Variants in KIF6 observed in about 807,000 individuals in gnomAD.
The protein encoded by KIF6 is kinesin-like protein KIF6.
In KIF6, 106 loss-of-function variants were observed where a neutral mutation model predicts 112.7. That is an observed-to-expected ratio of 0.94 (90% CI 0.80 to 1.11). KIF6 has a LOEUF of 1.11. Among genes scored for constraint, KIF6 ranks in the 50% least tolerant of loss-of-function variants. The pLI, the probability that KIF6 is intolerant of heterozygous loss-of-function variation, is 0.00. For missense variants in KIF6, 929 were observed against 964.0 expected (o/e 0.96, Z 0.48); for synonymous variants, 339 against 339.9 (o/e 1.00, Z 0.03).
At chr6:39,574,261 A>C (rs1302895843) in intron 10 of KIF6, among the ~76,000 whole-genome samples, 1 of 152,230 alleles carries the variant, frequency 6.6e-6, no homozygotes, top group Non-Finnish European at 1.5e-5. Flanking sequence ...TAAGAATCAT[A>C]AAGAAGATAT....
At chr6:39,409,444 C>T (rs188034756) in intron 15 of KIF6, among the ~76,000 whole-genome samples, 79 of 152,314 alleles carry the variant, frequency 5.2e-4, no homozygotes, top group Non-Finnish European at 6.0e-4. Context: ...TGCTTGGGAG[C>T]ATCTCTGCTT....
chr6:39,423,165 A>G (rs1770502483), intron 14 of KIF6, among the ~76,000 whole-genome samples: 2 of 152,112 alleles, frequency 1.3e-5, no homozygotes, highest in Admixed American at 6.5e-5. Flanking sequence ...TGCACACAAA[A>G]TCCTGTGCAG....
chr6:39,592,511 C>T (rs1782006365), intron 7 of KIF6, among the ~76,000 whole-genome samples: 1 of 152,166 alleles, frequency 6.6e-6, no homozygotes, highest in African/African-American at 2.4e-5. Flanking sequence ...CTGAAGGCAA[C>T]TCTGATTCTG....
At chr6:39,463,633 CA>C (rs748955597) in intron 13 of KIF6, among the ~76,000 whole-genome samples, 53 of 152,326 alleles carry the variant, frequency 3.5e-4, no homozygotes, top group African/African-American at 1.1e-3. Flanking sequence ...AAAAATTCCT[CA>C]AAATCATCTC....
chr6:39,449,456 G>C (rs1417961023), intron 13 of KIF6, among the ~76,000 whole-genome samples: 3 of 152,186 alleles, frequency 2.0e-5, no homozygotes, highest in Non-Finnish European at 4.4e-5. Context: ...TATACTTGCT[G>C]CTTGTTTCAC....
chr6:39,642,766 C>T (rs372409980), intron 3 of KIF6, among the ~76,000 whole-genome samples: 26 of 152,202 alleles, frequency 1.7e-4, no homozygotes, highest in African/African-American at 6.3e-4. Context: ...TCCTGGGAAT[C>T]GGGAAGGCCA....
intron 22 of KIF6, 33 bp from the exon 23 acceptor site, chr6:39,336,581 T>A (rs1426592113): frequency 1.2e-5 from 19 of 1,611,354 alleles, no homozygotes; most frequent in Non-Finnish European, 1.6e-5. Flanking sequence ...TTGGTTAGGC[T>A]GTGCATGCAG....
intron 14 of KIF6, among the ~76,000 whole-genome samples, chr6:39,427,152 C>A (rs986653669): frequency 2.6e-5 from 4 of 152,130 alleles, no homozygotes; most frequent in African/African-American, 7.2e-5. Context: ...TGAATTTCAC[C>A]CTAAGTCAAC....
chr6:39,411,262 G>A (rs184739902), intron 15 of KIF6, among the ~76,000 whole-genome samples: 9 of 152,194 alleles, frequency 5.9e-5, no homozygotes, highest in Non-Finnish European at 1.0e-4. Context: ...GAGGCAGAAC[G>A]CTGGGCTCTA....
At chr6:39,416,946 T>C (rs1297486203) in intron 15 of KIF6, among the ~76,000 whole-genome samples, 1 of 152,150 alleles carries the variant, frequency 6.6e-6, no homozygotes, top group East Asian at 1.9e-4. Context: ...GTAGCCCAGT[T>C]TGGGAGTGGA....
chr6:39,642,923 A>T (rs1180609423), intron 3 of KIF6, among the ~76,000 whole-genome samples: 1 of 152,134 alleles, frequency 6.6e-6, no homozygotes, highest in East Asian at 1.9e-4. Context: ...GTATGCCCCA[A>T]CAAACATGTA....
chr6:39,577,099 A>G (rs1259252093), intron 10 of KIF6, among the ~76,000 whole-genome samples: 1 of 152,216 alleles, frequency 6.6e-6, no homozygotes, highest in East Asian at 1.9e-4. Flanking sequence ...CAAATATGCC[A>G]CAAAGCAGTC....
intron 13 of KIF6, among the ~76,000 whole-genome samples, chr6:39,532,083 T>C (rs1443087004): frequency 6.6e-6 from 1 of 152,186 alleles, no homozygotes; most frequent in Non-Finnish European, 1.5e-5. Flanking sequence ...TTCCTGGTCT[T>C]AACCGGAGGT....
Position 39,333,193 on chromosome 6 carries a change from C to T in KIF6, c.*3339G>A, listed in dbSNP as rs917356789. On this transcript the variant is annotated 3_prime_UTR_variant, in exon 23 of 23. Transcript: ENST00000287152. The stretch of plus-strand genomic sequence containing the variant: ...TATACAGGATGCTCTCAGTGCCTTT[C>T]CACAGGCTGCATGGAGAGACAATGA... 3.3e-5 allele frequency: 5 copies of T among 152,178 alleles called. No individual in the cohort carries two copies. In the South Asian group the frequency reaches 8.3e-4, roughly 25 times the overall value. 9.4% of individuals were successfully genotyped at this position (152,178 alleles called of 1,614,324 possible). A position where few individuals can be genotyped will look rare whatever the true frequency, so the allele number is the denominator to read the frequency against.
chr6:39,539,622 C>G (rs758182412), intron 13 of KIF6, among the ~76,000 whole-genome samples: 1 of 152,198 alleles, frequency 6.6e-6, no homozygotes, highest in Admixed American at 6.5e-5. Context: ...GGATTCCAGG[C>G]GTGAGCCACC....
intron 16 of KIF6, among the ~76,000 whole-genome samples, chr6:39,370,039 T>C (rs1049412716): frequency 1.3e-5 from 2 of 152,206 alleles, no homozygotes; most frequent in African/African-American, 4.8e-5. Flanking sequence ...TGTGACTTTC[T>C]CTCTCCTCCA....
intron 13 of KIF6, among the ~76,000 whole-genome samples, chr6:39,530,925 T>C (rs1200120895): frequency 6.6e-6 from 1 of 152,206 alleles, no homozygotes; most frequent in Non-Finnish European, 1.5e-5. Flanking sequence ...CCTGATCAGC[T>C]CCTAGAATCT....
At chr6:39,674,585 A>G (rs1056042078) in intron 3 of KIF6, among the ~76,000 whole-genome samples, 6 of 152,052 alleles carry the variant, frequency 3.9e-5, no homozygotes, top group African/African-American at 1.4e-4. Flanking sequence ...TGTGGGTAAA[A>G]TGTGGAAATG....
At chr6:39,567,611 C>CTT (rs138061257) in intron 10 of KIF6, among the ~76,000 whole-genome samples, 20,710 of 144,966 alleles carry the variant, frequency 0.14, 1,535 homozygotes, top group Middle Eastern at 0.23. Context: ...GAAGTGATTT[C>CTT]TTTTTTTTTT....
Sources: allele counts gnomAD v4.1 joint callset (sites outside exome capture counted in the v4.1 genomes callset), GRCh38; gene constraint gnomAD v4.1.1; transcripts MANE v1.5; gene names NCBI Gene and HGNC (gene_info 2026-07-23, HGNC 2026-07-21).